CTNND2: variants seen among roughly 807,000 people sequenced by gnomAD.
CTNND2 encodes the protein catenin delta 2.
A neutral mutation model predicts 144.4 loss-of-function variants in CTNND2; 22 were observed. That is an observed-to-expected ratio of 0.15 (90% CI 0.11 to 0.22). The LOEUF is 0.22. CTNND2 is among the 10% of genes least tolerant of loss of function. CTNND2 has a pLI of 1.00. For synonymous variants in CTNND2, 751 were observed against 695.6 expected (o/e 1.08, Z -1.25); for missense variants, 1,353 against 1,618.8 (o/e 0.84, Z 2.82).
chr5:11,469,687 C>T (rs1166750552), intron 3 of CTNND2, among the ~76,000 whole-genome samples: 1 of 152,232 alleles, frequency 6.6e-6, no homozygotes, highest in Non-Finnish European at 1.5e-5. Flanking sequence ...GCCCACTCAA[C>T]ACTTTCTCAA....
chr5:11,289,597 T>C (rs923207130), intron 9 of CTNND2, among the ~76,000 whole-genome samples: 1 of 152,344 alleles, frequency 6.6e-6, no homozygotes, highest in African/African-American at 2.4e-5. Context: ...CAGACGCCTT[T>C]GGATCCAAGT....
chr5:11,779,133 T>C (rs1790410120), intron 1 of CTNND2, among the ~76,000 whole-genome samples: 1 of 152,198 alleles, frequency 6.6e-6, no homozygotes, highest in African/African-American at 2.4e-5. Context: ...ATCCGCCATA[T>C]GTTCTTGTTT....
Position 10,988,290 on chromosome 5 carries a change from C to A in CTNND2, c.3212-48G>T. On this transcript the variant is annotated intron_variant, in intron 19 of 21. Transcript: ENST00000304623. The surrounding 1 kb of genome is among the most constrained non-coding windows in gnomAD (Gnocchi z 5.9). ...GGATTTTCTGCATCTCATCCCACAG[C>A]GTGTGTGCCTTCCACACAGTCAGGG... The A allele has an allele frequency of 1.2e-6, 2 of 1,609,952 alleles. No homozygotes were observed. The highest frequency in any genetic ancestry group is 1.1e-5 in the South Asian group (1 of 90,336).
intron 1 of CTNND2, among the ~76,000 whole-genome samples, chr5:11,764,109 G>C (rs1789439785): frequency 6.6e-6 from 1 of 152,168 alleles, no homozygotes; most frequent in South Asian, 2.1e-4. Flanking sequence ...AGGCAGGAAA[G>C]TCAGAGTCAG....
intron 1 of CTNND2, among the ~76,000 whole-genome samples, chr5:11,759,998 CA>C (rs1789165009): frequency 6.9e-6 from 1 of 144,180 alleles, no homozygotes; most frequent in Non-Finnish European, 1.5e-5. Context: ...AAAAATCATT[CA>C]TGGACCACAT....
At chr5:10,989,214 G>A (rs1467866419) in intron 19 of CTNND2, among the ~76,000 whole-genome samples, 2 of 152,228 alleles carry the variant, frequency 1.3e-5, no homozygotes, top group African/African-American at 4.8e-5. Flanking sequence ...ATGCGTCTGG[G>A]TGAGGGGGCA....
intron 3 of CTNND2, among the ~76,000 whole-genome samples, chr5:11,554,223 T>C (rs1776022339): frequency 6.6e-6 from 1 of 152,116 alleles, no homozygotes; most frequent in Non-Finnish European, 1.5e-5. Flanking sequence ...TGCATAAAAA[T>C]AAATCTCAAA....
intron 12 of CTNND2, among the ~76,000 whole-genome samples, chr5:11,153,773 G>A (rs1757963816): frequency 6.6e-6 from 1 of 152,148 alleles, no homozygotes; most frequent in Non-Finnish European, 1.5e-5. Context: ...ATACTGAAGT[G>A]GGAATAGAAT....
chr5:11,374,775 CTTTTTTTTTTTTTTT>C (rs56327510), intron 7 of CTNND2, among the ~76,000 whole-genome samples: 1 of 99,380 alleles, frequency 1.0e-5, no homozygotes, highest in Non-Finnish European at 2.1e-5. Flanking sequence ...TCCCAATCTA[CTTTTTTTTTTTTTTT>C]TTTTTTTTTT....
In CTNND2 at chr5:11,494,945, A is replaced by T. The variant is rs575202603; in HGVS notation, c.287+69999T>A. On this transcript the variant is annotated intron_variant, in intron 3 of 21. Transcript: ENST00000304623. ...TTCATTTCATCATTAATTATTTCTC[A>T]TATCTGTGAATATCCTTTCACCAAT... Among the ~76,000 whole-genome samples, 8 of 152,338 alleles carry T rather than the reference A, an allele frequency of 5.3e-5. No individual in the cohort carries two copies. The South Asian group carries it at 1.7e-3, about 32-fold the overall frequency.
chr5:11,351,349 G>A (rs76006227), intron 8 of CTNND2, among the ~76,000 whole-genome samples: 4,154 of 152,116 alleles, frequency 0.027, 246 homozygotes, highest in East Asian at 0.16. Flanking sequence ...CCCTCAATAA[G>A]CTCTTAGAAT....
intron 9 of CTNND2, among the ~76,000 whole-genome samples, chr5:11,294,826 G>T (rs1254965533): frequency 6.6e-6 from 1 of 152,026 alleles, no homozygotes; most frequent in Non-Finnish European, 1.5e-5. Context: ...ACTGATGGAC[G>T]TATCTCAAAA....
intron 1 of CTNND2, among the ~76,000 whole-genome samples, chr5:11,741,777 T>A (rs1340644125): frequency 6.8e-6 from 1 of 148,136 alleles, no homozygotes; most frequent in Non-Finnish European, 1.5e-5. Flanking sequence ...TAATATATAT[T>A]CATATATTAT....
chr5:11,277,132 TC>T (rs1348043481), intron 9 of CTNND2, among the ~76,000 whole-genome samples: 1 of 152,000 alleles, frequency 6.6e-6, no homozygotes, highest in East Asian at 1.9e-4. Context: ...TGAAAATCAT[TC>T]CCCCTTGCCT....
chr5:11,652,023 A>G (rs1782669486), intron 2 of CTNND2, among the ~76,000 whole-genome samples: 1 of 152,118 alleles, frequency 6.6e-6, no homozygotes, highest in African/African-American at 2.4e-5. Context: ...GTATTTTGCA[A>G]TGTGAGAAGG....
chr5:11,882,144 T>C (rs957357363), intron 1 of CTNND2, among the ~76,000 whole-genome samples: 1 of 152,070 alleles, frequency 6.6e-6, no homozygotes, highest in Non-Finnish European at 1.5e-5. Flanking sequence ...AGTTTGCAAA[T>C]ATTTTCTTCC....
intron 18 of CTNND2, among the ~76,000 whole-genome samples, chr5:11,004,829 C>T (rs864075): frequency 0.73 from 109,559 of 150,734 alleles, 40,224 homozygotes; most frequent in African/African-American, 0.82. Flanking sequence ...AGCAGAGTCA[C>T]TGAACATGCC....
chr5:11,421,908 T>G (rs1054448608), intron 3 of CTNND2, among the ~76,000 whole-genome samples: 1 of 152,170 alleles, frequency 6.6e-6, no homozygotes, highest in African/African-American at 2.4e-5. Context: ...ATTTGTAAAA[T>G]AGAGATATCA....
chr5:10,982,896 A>G (rs148356369), intron 20 of CTNND2, among the ~76,000 whole-genome samples: 35 of 152,352 alleles, frequency 2.3e-4, no homozygotes, highest in African/African-American at 8.2e-4. Context: ...CAAGCCAGGC[A>G]CAGAAAGACA....
Sources: gnomAD v4.1 joint callset for allele counts (sites outside exome capture counted in the v4.1 genomes callset) on GRCh38, gnomAD v4.1.1 for gene constraint, Gnocchi (gnomAD v3.1) non-coding constraint, MANE v1.5 for transcripts, NCBI Gene and HGNC (gene_info 2026-07-23, HGNC 2026-07-21) for gene names.